TMEM126B: variants seen among roughly 807,000 people sequenced by gnomAD.
TMEM126B encodes the protein transmembrane protein 126B, also known as complex I assembly factor TMEM126B, mitochondrial.
A neutral mutation model predicts 16.5 loss-of-function variants in TMEM126B; 19 were observed. The ratio of observed to expected loss-of-function variants is 1.15; its 90% CI spans 0.80 to 1.69. TMEM126B has a LOEUF of 1.69. TMEM126B is among the 40% of genes most tolerant of loss of function. The pLI is 0.00. For missense variants in TMEM126B, 293 were observed against 278.7 expected (o/e 1.05, Z -0.37); for synonymous variants, 104 against 93.2 (o/e 1.12, Z -0.67).
At chr11:85,630,001 A>G (rs2082248707) in intron 1 of TMEM126B, among the ~76,000 whole-genome samples, 1 of 152,206 alleles carries the variant, frequency 6.6e-6, no homozygotes, top group Non-Finnish European at 1.5e-5. Flanking sequence ...AGGAGCTCAT[A>G]CCTTCTGTAT....
chr11:85,634,326 G>T, intron 3 of TMEM126B, 47 bp downstream of exon 3: 3 of 1,382,188 alleles, frequency 2.2e-6, no homozygotes, highest in Non-Finnish European at 3.0e-6. Context: ...TCTAAGTAAA[G>T]TTACTTATTA....
Position 85,635,796 on chromosome 11 carries a change from CT to C in TMEM126B, c.509+20del. ...GCAACCAAGTAAGTTCTTCCTTTTC[CT>C]TCTTTTTTCTTTTCTTTTCTTTTCT... On this transcript the variant is annotated intron_variant, in intron 4 of 4. Transcript: ENST00000358867. The C allele has an allele frequency of 7.0e-7, 1 of 1,424,858 alleles. No homozygotes were observed. Among genetic ancestry groups the C allele is most frequent in the Non-Finnish European group, 9.3e-7 (1 of 1,070,740 alleles). The allele number at this position is 1,424,858 out of a possible 1,614,324, so 88.3% of individuals were successfully genotyped here. A position where few individuals can be genotyped will look rare whatever the true frequency, so the allele number is the denominator to read the frequency against.
intron 1 of TMEM126B, chr11:85,631,283 G>T: frequency 7.9e-7 from 1 of 1,266,192 alleles, no homozygotes. Flanking sequence ...CTGCCTTCTC[G>T]GAATGAGGAG....
intron 1 of TMEM126B, chr11:85,629,114 CTG>C (rs1290906044): frequency 9.5e-6 from 7 of 738,772 alleles, no homozygotes; most frequent in Non-Finnish European, 1.4e-5. Flanking sequence ...CTCTCTCATT[CTG>C]TGTTTAAATT....
rs139974357 is a variant in TMEM126B at position 85,631,754 on chromosome 11, G to A, written c.149G>A (p.Arg50Lys). The change falls in exon 2 of 5, where the codon AGA becomes AAA. Residue 50 changes from arginine to lysine, a missense_variant. Arg to Lys is a conservative substitution (Grantham distance 26). Coordinates refer to ENST00000358867, the MANE Select transcript of TMEM126B (RefSeq NM_018480.7). ...TCTCTAGAAGATGCAAAACTCAGAA[G>A]ACCAATGGTCATAGAAATCATAGAA... ...SPSLEDAKLR[R>K]PMVIEIIEKN... 12 of 1,613,356 alleles carry A rather than the reference G, an allele frequency of 7.4e-6. No individual in the cohort carries two copies. Among genetic ancestry groups the A allele is most frequent in the Non-Finnish European group, 1.0e-5 (12 of 1,179,682 alleles).
At position 85,634,293 on chromosome 11, in the gene TMEM126B, C is replaced by T; in HGVS notation, c.397+14C>T. The T allele has an allele frequency of 6.3e-7, 1 of 1,584,870 alleles. No individual in the cohort carries two copies. The highest frequency in any genetic ancestry group is 1.1e-5 in the South Asian group (1 of 89,930). ...CTTTGTATTCAGGTGAATTTAAATTCACTAATGTATAACGTAGTTATGTCT... is the reference window on the plus strand; with the variant it reads ...CTTTGTATTCAGGTGAATTTAAATTTACTAATGTATAACGTAGTTATGTCT... On this transcript the variant is annotated intron_variant, in intron 3 of 4. Transcript: ENST00000358867.
At chr11:85,631,608 C>G (rs1387981697) in intron 1 of TMEM126B, 79 bp from the exon 2 acceptor site, 1 of 1,483,380 alleles carries the variant, frequency 6.7e-7, no homozygotes, top group Non-Finnish European at 9.1e-7. Flanking sequence ...GTTTTCAAAT[C>G]TGAATCTGTA....
Position 85,636,498 on chromosome 11 carries a change from A to C in TMEM126B, c.*269A>C, listed in dbSNP as rs2082407433. The C allele has an allele frequency of 4.8e-6, 1 of 209,286 alleles. No homozygotes were observed. The highest frequency in any genetic ancestry group is 1.0e-4 in the East Asian group (1 of 9,816). 13.0% of individuals were successfully genotyped at this position (209,286 alleles called of 1,614,324 possible). ...ATAAATATCCAGTGTCAATAAATGTAACAATAAAAGTTTCATCTTTCCTCT... is the reference window on the plus strand; with the variant it reads ...ATAAATATCCAGTGTCAATAAATGTCACAATAAAAGTTTCATCTTTCCTCT... On this transcript the variant is annotated 3_prime_UTR_variant, in exon 5 of 5. Transcript: ENST00000358867.
At chr11:85,631,510 A>C (rs1253503533) in intron 1 of TMEM126B, among the ~76,000 whole-genome samples, 177 bp from the exon 2 acceptor site, 1 of 152,258 alleles carries the variant, frequency 6.6e-6, no homozygotes, top group Non-Finnish European at 1.5e-5. Context: ...CTAACAGATA[A>C]TAAGAGCTCA....
intron 1 of TMEM126B, chr11:85,629,305 T>G (rs755863651): frequency 2.4e-4 from 278 of 1,163,448 alleles, no homozygotes; most frequent in Non-Finnish European, 2.9e-4. Context: ...TTAGGTAAAA[T>G]AATACACATG....
At chr11:85,631,051 A>G (rs867350918) in intron 1 of TMEM126B, 5 of 950,136 alleles carry the variant, frequency 5.3e-6, no homozygotes, top group Middle Eastern at 2.5e-4. Flanking sequence ...GCCACAATCC[A>G]CTGCCTGTTC....
intron 1 of TMEM126B, among the ~76,000 whole-genome samples, chr11:85,630,249 C>G (rs1014074100): frequency 6.6e-6 from 1 of 152,186 alleles, no homozygotes; most frequent in Admixed American, 6.5e-5. Flanking sequence ...CCATGTGATT[C>G]TTGTGCATGC....
intron 4 of TMEM126B, 38 bp downstream of exon 4, chr11:85,635,816 C>CTT: frequency 2.0e-6 from 2 of 1,019,914 alleles, no homozygotes; most frequent in South Asian, 2.2e-5. Context: ...CTTTTCTTTT[C>CTT]TTTTCTTTTT....
At position 85,636,372 on chromosome 11, in the gene TMEM126B, T is replaced by A. The variant is rs926954438; in HGVS notation, c.*143T>A. On this transcript the variant is annotated 3_prime_UTR_variant, in exon 5 of 5. Coordinates refer to ENST00000358867, the MANE Select transcript of TMEM126B (RefSeq NM_018480.7). ...TGGTATATAGCAAATACTCAAAAAG[T>A]ATTCAATAATTCAATCAATAAATAT... is the stretch of plus-strand genomic sequence containing the variant. The A allele has an allele frequency of 8.2e-6, 4 of 485,902 alleles. No homozygotes were observed. The Admixed American group carries it at 1.2e-4, about 14-fold the overall frequency. The allele number at this position is 485,902 out of a possible 1,614,324, so 30.1% of individuals were successfully genotyped here. A position where few individuals can be genotyped will look rare whatever the true frequency, so the allele number is the denominator to read the frequency against.
chr11:85,636,397 T>C lies in TMEM126B; in HGVS notation c.*168T>C. The C allele has an allele frequency of 4.6e-6, 2 of 437,226 alleles. No individual in the cohort carries two copies. Among genetic ancestry groups the C allele is most frequent in the Non-Finnish European group, 7.8e-6 (2 of 255,448 alleles). The allele number at this position is 437,226 out of a possible 1,614,324, so 27.1% of individuals were successfully genotyped here. A position where few individuals can be genotyped will look rare whatever the true frequency, so the allele number is the denominator to read the frequency against. ...TATTCAATAATTCAATCAATAAATA[T>C]AAGTTTCATCTTACACGTAAGATAC... is the stretch of plus-strand genomic sequence containing the variant. On this transcript the variant is annotated 3_prime_UTR_variant, in exon 5 of 5. Coordinates refer to ENST00000358867, the MANE Select transcript of TMEM126B (RefSeq NM_018480.7).
At chr11:85,633,675 CA>C (rs1231675388) in intron 2 of TMEM126B, among the ~76,000 whole-genome samples, 1 of 152,136 alleles carries the variant, frequency 6.6e-6, no homozygotes, top group Non-Finnish European at 1.5e-5. Flanking sequence ...AAGGCCTAAC[CA>C]AATGTAAACA....
chr11:85,636,076 A>T lies in TMEM126B; in HGVS notation c.540A>T (p.Gly180=). Residue 180 remains glycine, a synonymous_variant, in exon 5 of 5, where the codon GGA becomes GGT. Transcript: ENST00000358867. ...ATACCGTTCCACTGCCACCAAAAGG[A>T]AGGGTTTTAATCCATTGGATGACGC... ...KYHTVPLPPK[G]RVLIHWMTLC... is the part of the protein sequence containing the mutation. The T allele has an allele frequency of 6.2e-7, 1 of 1,602,096 alleles. No homozygotes were observed. Among genetic ancestry groups the T allele is most frequent in the East Asian group, 2.2e-5 (1 of 44,764 alleles).
chr11:85,629,522 A>T lies in TMEM126B; in HGVS notation c.81+834A>T, dbSNP rs139888636. ...AGTATTTCAGTATTTGCTGTCCTGT[A>T]ATCATAATCCTGGGTGTCTGTTTTC... On this transcript the variant is annotated intron_variant, in intron 1 of 4. Coordinates refer to ENST00000358867, the MANE Select transcript of TMEM126B (RefSeq NM_018480.7). Among the ~76,000 whole-genome samples the T allele has an allele frequency of 2.6e-5, 4 of 152,290 alleles. No individual in the cohort carries two copies. The East Asian group carries it at 7.7e-4, about 29-fold the overall frequency.
intron 2 of TMEM126B, 100 bp downstream of exon 2, chr11:85,631,908 T>C (rs1393459329): frequency 8.7e-6 from 11 of 1,270,240 alleles, no homozygotes; most frequent in African/African-American, 1.5e-5. Flanking sequence ...TTTTCTGTTA[T>C]CTAAGATCCT....
Sources: gnomAD v4.1 joint callset for allele counts (sites outside exome capture counted in the v4.1 genomes callset) on GRCh38, gnomAD v4.1.1 for gene constraint, MANE v1.5 for transcripts, NCBI Gene and HGNC (gene_info 2026-07-23, HGNC 2026-07-21) for gene names.